The following SORCS3 variants were observed in gnomAD, a reference collection of about 807,000 sequenced individuals.
SORCS3 encodes VPS10 domain-containing receptor SorCS3.
A neutral mutation model predicts 146.3 loss-of-function variants in SORCS3; 57 were observed. That is an observed-to-expected ratio of 0.39 (90% CI 0.31 to 0.49). SORCS3 has a LOEUF of 0.49. Among genes scored for constraint, SORCS3 ranks in the 20% least tolerant of loss-of-function variants. The pLI, the probability that SORCS3 is intolerant of heterozygous loss-of-function variation, is 0.92. For synonymous variants in SORCS3, 653 were observed against 618.5 expected (o/e 1.06, Z -0.83); for missense variants, 1,341 against 1,575.5 (o/e 0.85, Z 2.52).
intron 1 of SORCS3, among the ~76,000 whole-genome samples, chr10:104,783,912 C>T (rs2017403206): frequency 6.6e-6 from 1 of 152,142 alleles, no homozygotes; most frequent in Non-Finnish European, 1.5e-5. Flanking sequence ...AAAGTTAATC[C>T]TGTGGAATAC....
At chr10:104,977,535 A>G in intron 4 of SORCS3, 42 bp downstream of exon 4, 1 of 1,524,252 alleles carries the variant, frequency 6.6e-7, no homozygotes, top group South Asian at 1.2e-5. Context: ...TCATCCAGGT[A>G]CCACCATGTG....
intron 20 of SORCS3, among the ~76,000 whole-genome samples, chr10:105,239,332 T>C (rs548659701): frequency 2.0e-5 from 3 of 152,304 alleles, no homozygotes; most frequent in African/African-American, 7.2e-5. Context: ...CTGTCCAATT[T>C]GGGACTGGCA....
chr10:105,106,665 A>G lies in SORCS3; in HGVS notation c.1212+1150A>G, dbSNP rs568837561. 2.6e-5 allele frequency among the ~76,000 whole-genome samples: 4 copies of G among 152,336 alleles called. No individual in the cohort carries two copies. In the South Asian group the frequency reaches 8.3e-4, roughly 32 times the overall value. ...TTACTTCTATCTATAACTTAGTTAC[A>G]TAGATTTTTGAGGTCTAGTAAAATA... is the stretch of plus-strand genomic sequence containing the variant. On this transcript the variant is annotated intron_variant, in intron 7 of 26. Coordinates refer to ENST00000369701, the MANE Select transcript of SORCS3 (RefSeq NM_014978.3).
intron 2 of SORCS3, among the ~76,000 whole-genome samples, chr10:104,872,364 T>A (rs1339243601): frequency 6.6e-6 from 1 of 152,102 alleles, no homozygotes; most frequent in Non-Finnish European, 1.5e-5. Flanking sequence ...TACTCCTGAC[T>A]AAGTATTTTT....
intron 3 of SORCS3, among the ~76,000 whole-genome samples, chr10:104,974,002 G>A (rs182798118): frequency 0.011 from 1,674 of 152,046 alleles, 28 homozygotes; most frequent in African/African-American, 0.038. Flanking sequence ...GTAGTTGAGC[G>A]GTTTTGAGTG....
At chr10:104,767,455 A>G (rs1488981720) in intron 1 of SORCS3, among the ~76,000 whole-genome samples, 1 of 152,116 alleles carries the variant, frequency 6.6e-6, no homozygotes. Context: ...CTGCAGTAAC[A>G]ACATATTTTG....
At chr10:104,794,657 G>GAAAA (rs1455584952) in intron 1 of SORCS3, among the ~76,000 whole-genome samples, 3 of 113,580 alleles carry the variant, frequency 2.6e-5, no homozygotes, top group Admixed American at 1.8e-4. Flanking sequence ...GAGAGAGAGA[G>GAAAA]AGAATATTAT....
At chr10:104,847,331 G>C (rs937874006) in intron 2 of SORCS3, among the ~76,000 whole-genome samples, 1 of 152,154 alleles carries the variant, frequency 6.6e-6, no homozygotes, top group Non-Finnish European at 1.5e-5. Context: ...TTGGCAGATC[G>C]TTTCTTGGAC....
At chr10:105,159,307 T>C (rs142427072) in intron 11 of SORCS3, among the ~76,000 whole-genome samples, 1 of 152,320 alleles carries the variant, frequency 6.6e-6, no homozygotes, top group East Asian at 1.9e-4. Context: ...ATCCACACTT[T>C]AAGAAAACAT....
chr10:105,180,971 A>G (rs183982561), intron 14 of SORCS3, among the ~76,000 whole-genome samples: 123 of 152,292 alleles, frequency 8.1e-4, no homozygotes, highest in African/African-American at 3.0e-3. Flanking sequence ...TAGTTGTTGA[A>G]TATCTTTCCC....
intron 1 of SORCS3, among the ~76,000 whole-genome samples, chr10:104,762,201 G>A (rs1473797645): frequency 6.6e-6 from 1 of 152,136 alleles, no homozygotes; most frequent in Admixed American, 6.5e-5. Flanking sequence ...CCCCAGTTTA[G>A]TGGGATTTCA....
chr10:104,812,553 A>G (rs559518603), intron 1 of SORCS3, among the ~76,000 whole-genome samples: 1 of 152,262 alleles, frequency 6.6e-6, no homozygotes, highest in Non-Finnish European at 1.5e-5. Flanking sequence ...AATAATAACA[A>G]TGCACAATGT....
intron 2 of SORCS3, among the ~76,000 whole-genome samples, chr10:104,902,031 C>A (rs1412675125): frequency 1.3e-5 from 2 of 152,126 alleles, no homozygotes; most frequent in South Asian, 2.1e-4. Flanking sequence ...ATGGCAGGGA[C>A]TTTTGAGATC....
chr10:105,202,733 G>T (rs1482149228), intron 16 of SORCS3, among the ~76,000 whole-genome samples: 1 of 152,066 alleles, frequency 6.6e-6, no homozygotes, highest in Non-Finnish European at 1.5e-5. Context: ...TCTGAACATT[G>T]TTCCTTTTAG....
rs6144063 is a variant in SORCS3, at chr10:105,207,272, T to TTTATTATTATTATTATTATTATTA, written c.2262-3856_2262-3833dup. Among the ~76,000 whole-genome samples the TTTATTATTATTATTATTATTATTA allele has an allele frequency of 6.1e-3, 902 of 147,166 alleles. 10 individuals are homozygous for TTTATTATTATTATTATTATTATTA. The highest frequency in any genetic ancestry group is 0.021 in the Middle Eastern group (6 of 280). On this transcript the variant is annotated intron_variant, in intron 16 of 26. Coordinates refer to ENST00000369701, the MANE Select transcript of SORCS3 (RefSeq NM_014978.3). ...CCCTTCCTATTTTGGCATGCAGAGG[T>TTTATTATTATTATTATTATTATTA]TTATTATTATTATTATTATTATTAT... is the stretch of plus-strand genomic sequence containing the variant.
In SORCS3 at chr10:105,165,504, G is replaced by A. The variant is rs1013061330; in HGVS notation, c.1809+1125G>A. On this transcript the variant is annotated intron_variant, in intron 12 of 26. Coordinates refer to ENST00000369701, the MANE Select transcript of SORCS3 (RefSeq NM_014978.3). ...TGCCTCCAGTGTCAGCACTACCAGC[G>A]TTGTAAAAATTAACAAGTACTTACG... Among the ~76,000 whole-genome samples the A allele has an allele frequency of 3.3e-5, 5 of 152,128 alleles. 1 individual carries two copies. Among genetic ancestry groups the A allele is most frequent in the East Asian group, 1.9e-4 (1 of 5,168 alleles).
intron 3 of SORCS3, among the ~76,000 whole-genome samples, chr10:104,934,500 A>G (rs1473501937): frequency 6.6e-6 from 1 of 152,198 alleles, no homozygotes; most frequent in Non-Finnish European, 1.5e-5. Flanking sequence ...ACATTTGTAC[A>G]GTGTCAATAA....
intron 17 of SORCS3, 77 bp from the exon 18 acceptor site, chr10:105,214,365 A>ACAGAC: frequency 7.0e-7 from 1 of 1,433,094 alleles, no homozygotes; most frequent in Non-Finnish European, 9.7e-7. Context: ...TTCCCTTTAT[A>ACAGAC]ACACACACAC....
At chr10:104,915,710 A>T (rs987022352) in intron 2 of SORCS3, 123 bp from the exon 3 acceptor site, 11 of 754,752 alleles carry the variant, frequency 1.5e-5, no homozygotes, top group Non-Finnish European at 2.3e-5. Flanking sequence ...TTTATCTCTG[A>T]AGCACTCATA....
Sources: gnomAD v4.1 joint callset for allele counts (sites outside exome capture counted in the v4.1 genomes callset) on GRCh38, gnomAD v4.1.1 for gene constraint, MANE v1.5 for transcripts, NCBI Gene and HGNC (gene_info 2026-07-23, HGNC 2026-07-21) for gene names.